The following BLTP3B variants were observed in gnomAD, a reference collection of about 807,000 sequenced individuals.
The protein encoded by BLTP3B is UHRF1 (ICBP90) binding protein 1-like.
At chr12:100,084,806 G>A in the BLTP3B span, 123 of 755,898 alleles carry the variant, frequency 1.6e-4, no homozygotes, top group African/African-American at 2.1e-4. Context: ...ATGTAATTTC[G>A]AAATATGAGT....
the BLTP3B span, among the ~76,000 whole-genome samples, chr12:100,038,343 C>CT: frequency 2.1e-3 from 319 of 151,140 alleles, 1 homozygote; most frequent in South Asian, 9.7e-3. Context: ...CAGACATTTT[C>CT]TTTTTTTTTG....
chr12:100,082,916 TAA>T, the BLTP3B span: 1 of 844,506 alleles, frequency 1.2e-6, no homozygotes, highest in Non-Finnish European at 1.9e-6. Flanking sequence ...ATAAACCTTG[TAA>T]AGATTTTTTA....
the BLTP3B span, chr12:100,039,716 T>G: frequency 1.9e-6 from 3 of 1,614,046 alleles, no homozygotes; most frequent in East Asian, 2.2e-5. Flanking sequence ...GATCATACTT[T>G]CCACTGGTCA....
chr12:100,048,694 T>C, the BLTP3B span, among the ~76,000 whole-genome samples: 2 of 145,094 alleles, frequency 1.4e-5, no homozygotes, highest in African/African-American at 2.6e-5. Flanking sequence ...AAATTGTTTC[T>C]TTAGAAGGCA....
At chr12:100,123,550 A>G in the BLTP3B span, among the ~76,000 whole-genome samples, 9 of 152,236 alleles carry the variant, frequency 5.9e-5, 1 homozygote, top group Admixed American at 2.0e-4. Context: ...CCCAAATCCC[A>G]CAGGCTGAGG....
At chr12:100,137,075 T>C in the BLTP3B span, among the ~76,000 whole-genome samples, 95 of 152,316 alleles carry the variant, frequency 6.2e-4, no homozygotes, top group Middle Eastern at 6.8e-3. Flanking sequence ...CCTCCCAAAG[T>C]GGTAGGATTA....
chr12:100,139,135 A>G, the BLTP3B span, among the ~76,000 whole-genome samples: 1 of 152,194 alleles, frequency 6.6e-6, no homozygotes, highest in Non-Finnish European at 1.5e-5. Flanking sequence ...CCTTGTCCTC[A>G]TTTCAGATTC....
At chr12:100,136,359 A>T in the BLTP3B span, among the ~76,000 whole-genome samples, 1 of 151,934 alleles carries the variant, frequency 6.6e-6, no homozygotes, top group Non-Finnish European at 1.5e-5. Flanking sequence ...TTTTCACATC[A>T]CCCGCAATGC....
At chr12:100,106,186 C>A in the BLTP3B span, among the ~76,000 whole-genome samples, 1 of 151,920 alleles carries the variant, frequency 6.6e-6, no homozygotes. Flanking sequence ...ACCATTCGAT[C>A]CAGCAATCCC....
the BLTP3B span, among the ~76,000 whole-genome samples, chr12:100,101,834 C>G: frequency 7.2e-4 from 109 of 152,324 alleles, no homozygotes; most frequent in African/African-American, 2.5e-3. Context: ...GACAGAGTCT[C>G]TCTCCATCAC....
At chr12:100,061,249 A>T in the BLTP3B span, among the ~76,000 whole-genome samples, 1 of 152,242 alleles carries the variant, frequency 6.6e-6, no homozygotes, top group Admixed American at 6.5e-5. Context: ...TTGATTGATG[A>T]TGGTAGTCAC....
the BLTP3B span, chr12:100,108,350 T>G: frequency 6.3e-7 from 1 of 1,584,698 alleles, no homozygotes; most frequent in Non-Finnish European, 8.5e-7. Context: ...TGAAAGGCCT[T>G]CCACAAATAT....
At chr12:100,096,253 C>CA in the BLTP3B span, among the ~76,000 whole-genome samples, 883 of 113,778 alleles carry the variant, frequency 7.8e-3, 10 homozygotes, top group African/African-American at 0.026. Context: ...AACTCTGTCT[C>CA]AAAAAAAAAA....
the BLTP3B span, among the ~76,000 whole-genome samples, chr12:100,054,759 G>T: frequency 3.9e-5 from 6 of 152,252 alleles, no homozygotes; most frequent in Non-Finnish European, 8.8e-5. Context: ...CATTCCCCAA[G>T]TCTGGGGAGC....
the BLTP3B span, chr12:100,070,022 G>A: frequency 8.0e-7 from 1 of 1,257,340 alleles, no homozygotes; most frequent in Non-Finnish European, 1.0e-6. Flanking sequence ...GCAAAGGGGA[G>A]CAGTGTAATA....
the BLTP3B span, among the ~76,000 whole-genome samples, chr12:100,119,928 TG>T: frequency 1.3e-5 from 2 of 152,170 alleles, no homozygotes; most frequent in East Asian, 3.8e-4. Flanking sequence ...AATAAGTTAG[TG>T]GATCAAAATT....
chr12:100,052,309 C>A, the BLTP3B span, among the ~76,000 whole-genome samples: 261 of 152,096 alleles, frequency 1.7e-3, 1 homozygote, highest in African/African-American at 5.8e-3. Context: ...TCCCATAGTG[C>A]TAGGATTACA....
At chr12:100,081,434 T>C in the BLTP3B span, among the ~76,000 whole-genome samples, 1 of 152,178 alleles carries the variant, frequency 6.6e-6, no homozygotes, top group Non-Finnish European at 1.5e-5. Context: ...TTTGCTTTAG[T>C]TCAGGGGGTA....
At chr12:100,138,242 C>A in the BLTP3B span, among the ~76,000 whole-genome samples, 1 of 152,226 alleles carries the variant, frequency 6.6e-6, no homozygotes, top group Non-Finnish European at 1.5e-5. Flanking sequence ...TAGGAGCTAG[C>A]TGGTTCCTGT....
Sources: allele counts gnomAD v4.1 joint callset (sites outside exome capture counted in the v4.1 genomes callset), GRCh38; gene constraint gnomAD v4.1.1; transcripts MANE v1.5; gene names NCBI Gene and HGNC (gene_info 2026-07-23, HGNC 2026-07-21).